SDK1: variants seen among roughly 807,000 people sequenced by gnomAD.
The protein encoded by SDK1 is sidekick cell adhesion molecule 1.
In SDK1, 157 loss-of-function variants were observed where a neutral mutation model predicts 245.5. The observed-to-expected ratio is 0.64, with a 90% CI of 0.56 to 0.73. The LOEUF (loss-of-function observed/expected upper bound fraction) is 0.73. SDK1 is among the 30% of genes least tolerant of loss of function. The pLI is 0.00. For missense variants in SDK1, 3,583 were observed against 3,002.3 expected (o/e 1.19, Z -4.52); for synonymous variants, 1,647 against 1,278.5 (o/e 1.29, Z -6.15).
At chr7:3,804,199 TCTC>T (rs1046074326) in intron 4 of SDK1, among the ~76,000 whole-genome samples, 3 of 152,230 alleles carry the variant, frequency 2.0e-5, no homozygotes, top group Non-Finnish European at 2.9e-5. Flanking sequence ...TCTGATATCT[TCTC>T]CTAAAAATTT....
At chr7:3,659,962 C>G (rs1783302776) in intron 4 of SDK1, among the ~76,000 whole-genome samples, 1 of 152,154 alleles carries the variant, frequency 6.6e-6, no homozygotes, top group African/African-American at 2.4e-5. Context: ...ATGATGACAA[C>G]TGGATTCAGA....
At chr7:4,255,557 C>T (rs1351257815) in intron 44 of SDK1, among the ~76,000 whole-genome samples, 1 of 152,306 alleles carries the variant, frequency 6.6e-6, no homozygotes, top group East Asian at 1.9e-4. Flanking sequence ...ATACCTGGTA[C>T]AGGCTCCCAG....
intron 4 of SDK1, among the ~76,000 whole-genome samples, chr7:3,650,057 T>TA (rs34280637): frequency 6.6e-6 from 1 of 151,072 alleles, no homozygotes; most frequent in Non-Finnish European, 1.5e-5. Context: ...AAACATAGTT[T>TA]AAAAAAAATA....
intron 30 of SDK1, among the ~76,000 whole-genome samples, chr7:4,153,077 T>C (rs943331708): frequency 1.5e-4 from 23 of 152,058 alleles, no homozygotes; most frequent in Admixed American, 5.9e-4. Context: ...TGGCTGTGCA[T>C]CTGGCTGTGA....
At chr7:4,245,378 C>T (rs1160913238) in intron 43 of SDK1, among the ~76,000 whole-genome samples, 5 of 152,154 alleles carry the variant, frequency 3.3e-5, no homozygotes, top group Non-Finnish European at 5.9e-5. Flanking sequence ...TCTGTCCCGA[C>T]CTCAGGGTGC....
chr7:3,515,373 T>A (rs981726889), intron 1 of SDK1, among the ~76,000 whole-genome samples: 3 of 152,168 alleles, frequency 2.0e-5, no homozygotes, highest in Non-Finnish European at 4.4e-5. Flanking sequence ...ACAAATTACA[T>A]CCTTCTGAAT....
At chr7:3,331,123 G>T (rs1406234197) in intron 1 of SDK1, among the ~76,000 whole-genome samples, 3 of 152,086 alleles carry the variant, frequency 2.0e-5, no homozygotes, top group Non-Finnish European at 4.4e-5. Flanking sequence ...AATTAGCTGG[G>T]TGTGGTGGTG....
chr7:4,216,263 A>G (rs1306012391), intron 38 of SDK1, among the ~76,000 whole-genome samples: 2 of 152,170 alleles, frequency 1.3e-5, no homozygotes, highest in African/African-American at 4.8e-5. Flanking sequence ...CGACTGGGAA[A>G]AAGCAAAGCA....
At chr7:3,608,875 C>G (rs1781503231) in intron 1 of SDK1, among the ~76,000 whole-genome samples, 1 of 152,156 alleles carries the variant, frequency 6.6e-6, no homozygotes, top group African/African-American at 2.4e-5. Context: ...TTTGAAAAGG[C>G]AATTAAAATA....
chr7:4,209,945 C>T (rs1160422610), intron 37 of SDK1, 80 bp from the exon 38 acceptor site: 1 of 1,200,378 alleles, frequency 8.3e-7, no homozygotes, highest in Admixed American at 2.8e-5. Context: ...ATTTTTTATT[C>T]TATACGGAGG....
In SDK1 at chr7:4,265,430, G is replaced by A. The variant is rs781163650; in HGVS notation, c.*46G>A. The A allele has an allele frequency of 7.3e-5, 102 of 1,401,992 alleles. 2 individuals carry two copies. In the Middle Eastern group the frequency reaches 7.9e-4, roughly 11 times the overall value. The allele number at this position is 1,401,992 out of a possible 1,614,324, so 86.8% of individuals were successfully genotyped here. The stretch of plus-strand genomic sequence containing the variant: ...CAGGGCGGAACGGAGGCAACTTTCC[G>A]GAGTCTATTTTTGTTAAGACAATCA... On this transcript the variant is annotated 3_prime_UTR_variant, in exon 45 of 45. Transcript: ENST00000404826.
intron 14 of SDK1, among the ~76,000 whole-genome samples, chr7:3,996,953 T>TA (rs1194065250): frequency 6.6e-6 from 1 of 152,232 alleles, no homozygotes; most frequent in Non-Finnish European, 1.5e-5. Flanking sequence ...TATTGAGATA[T>TA]AATTTGTATG....
intron 22 of SDK1, among the ~76,000 whole-genome samples, chr7:4,083,227 C>A (rs1270395961): frequency 6.6e-6 from 1 of 152,074 alleles, no homozygotes; most frequent in Non-Finnish European, 1.5e-5. Context: ...GGTTCCTCAC[C>A]CTCAAAGGTG....
intron 5 of SDK1, among the ~76,000 whole-genome samples, chr7:3,883,268 G>A (rs1426394608): frequency 1.3e-5 from 2 of 152,170 alleles, no homozygotes; most frequent in Non-Finnish European, 2.9e-5. Flanking sequence ...GGGGAAAAGA[G>A]GTTTCTTAAA....
intron 5 of SDK1, among the ~76,000 whole-genome samples, chr7:3,825,581 A>G (rs1261603424): frequency 6.6e-6 from 1 of 152,188 alleles, no homozygotes; most frequent in Non-Finnish European, 1.5e-5. Flanking sequence ...ATAGGATATC[A>G]TTTCAGCTGA....
chr7:3,890,179 G>A (rs1781426832), intron 5 of SDK1, among the ~76,000 whole-genome samples: 1 of 152,184 alleles, frequency 6.6e-6, no homozygotes, highest in African/African-American at 2.4e-5. Flanking sequence ...CTTGATTCCA[G>A]ATACAGTGCT....
intron 4 of SDK1, among the ~76,000 whole-genome samples, chr7:3,738,006 T>C (rs1181752044): frequency 6.6e-6 from 1 of 152,224 alleles, no homozygotes; most frequent in Non-Finnish European, 1.5e-5. Flanking sequence ...GTGTTTTGTC[T>C]ATAGATAGTT....
intron 12 of SDK1, among the ~76,000 whole-genome samples, 187 bp from the exon 13 acceptor site, chr7:3,974,182 T>TGA (rs1782705733): frequency 2.6e-5 from 1 of 38,954 alleles, no homozygotes; most frequent in Non-Finnish European, 4.6e-5. Context: ...AGACTCTGTC[T>TGA]CAAAAAAAAA....
chr7:4,060,678 G>T (rs1035016306), intron 19 of SDK1, among the ~76,000 whole-genome samples: 1 of 152,016 alleles, frequency 6.6e-6, no homozygotes, highest in Non-Finnish European at 1.5e-5. Context: ...GGCTTTTGTT[G>T]CCATTGCTTT....
Sources: allele counts gnomAD v4.1 joint callset (sites outside exome capture counted in the v4.1 genomes callset), GRCh38; gene constraint gnomAD v4.1.1; transcripts MANE v1.5; gene names NCBI Gene and HGNC (gene_info 2026-07-23, HGNC 2026-07-21).